The following CMKLR1 variants were observed in gnomAD, a reference collection of about 807,000 sequenced individuals.
The protein encoded by CMKLR1 is chemerin-like receptor 1.
A neutral mutation model predicts 8.2 loss-of-function variants in CMKLR1; 6 were observed. The observed-to-expected ratio is 0.73, with a 90% CI of 0.40 to 1.44. The LOEUF is 1.44. Among genes scored for constraint, CMKLR1 ranks in the 40% most tolerant of loss-of-function variants. The pLI is 0.02. For synonymous variants in CMKLR1, 178 were observed against 181.2 expected (o/e 0.98, Z 0.14); for missense variants, 429 against 478.0 (o/e 0.90, Z 0.96).
chr12:108,312,717 C>T lies in CMKLR1; in HGVS notation c.-74+17278G>A, dbSNP rs774623790. Among the ~76,000 whole-genome samples the T allele has an allele frequency of 9.2e-5, 14 of 152,214 alleles. 1 individual carries two copies. The highest frequency in any genetic ancestry group is 1.9e-4 in the East Asian group (1 of 5,192). ...ACTCTGGAGTCCAGGTCTTCAGTGA[C>T]GGTCACTGTCCTTTATGTTCTGTGG... On this transcript the variant is annotated intron_variant, in intron 2 of 3. Transcript: ENST00000550402.
intron 2 of CMKLR1, among the ~76,000 whole-genome samples, chr12:108,305,797 CG>C (rs1891392170): frequency 4.6e-5 from 7 of 152,206 alleles, no homozygotes; most frequent in Admixed American, 4.6e-4. Context: ...CAGAGCGGCA[CG>C]GGCTGCCTAA....
intron 2 of CMKLR1, among the ~76,000 whole-genome samples, chr12:108,295,524 C>T (rs576597066): frequency 2.0e-5 from 3 of 152,354 alleles, no homozygotes; most frequent in South Asian, 2.1e-4. Flanking sequence ...GACAAAGAGA[C>T]AGTGTTGAGG....
intron 2 of CMKLR1, among the ~76,000 whole-genome samples, chr12:108,316,789 G>T (rs370818412): frequency 5.9e-5 from 9 of 152,180 alleles, no homozygotes; most frequent in African/African-American, 2.2e-4. Context: ...CAACCCCATA[G>T]CAGAAATGGG....
chr12:108,317,246 C>T (rs1024415454), intron 2 of CMKLR1, among the ~76,000 whole-genome samples: 5 of 152,202 alleles, frequency 3.3e-5, no homozygotes, highest in East Asian at 1.9e-4. Flanking sequence ...CTTCATTGAG[C>T]ATGGGTTTCA....
chr12:108,295,742 G>T (rs1043339306), intron 2 of CMKLR1, among the ~76,000 whole-genome samples: 2 of 152,248 alleles, frequency 1.3e-5, no homozygotes, highest in African/African-American at 2.4e-5. Context: ...AGTGGGCTGG[G>T]TGTGTGAGTC....
At chr12:108,308,591 G>T (rs1891470339) in intron 2 of CMKLR1, among the ~76,000 whole-genome samples, 1 of 152,172 alleles carries the variant, frequency 6.6e-6, no homozygotes, top group Non-Finnish European at 1.5e-5. Context: ...TGGGTCCAGG[G>T]AGCTGGGAAT....
intron 2 of CMKLR1, among the ~76,000 whole-genome samples, chr12:108,318,125 G>T (rs1891777104): frequency 6.6e-6 from 1 of 152,172 alleles, no homozygotes; most frequent in South Asian, 2.1e-4. Flanking sequence ...TAGTCCCAGG[G>T]ATGGGCACTT....
rs527853930 is a variant in CMKLR1, at chr12:108,291,632, G to T, written c.*209C>A. The stretch of plus-strand genomic sequence containing the variant: ...GCCTCCCAAGAAGCATAAATTGCTA[G>T]TCCAAGGCTGTATGGAACACAGCAT... On this transcript the variant is annotated 3_prime_UTR_variant, in exon 4 of 4. Coordinates refer to ENST00000550402, the MANE Select transcript of CMKLR1 (RefSeq NM_001142343.2). The T allele has an allele frequency of 5.2e-6, 3 of 579,384 alleles. No homozygotes were observed. In the East Asian group the frequency reaches 8.7e-5, roughly 17 times the overall value. The allele number at this position is 579,384 out of a possible 1,614,324, so 35.9% of individuals were successfully genotyped here.
chr12:108,319,385 A>G (rs1235740340), intron 2 of CMKLR1, among the ~76,000 whole-genome samples: 1 of 152,182 alleles, frequency 6.6e-6, no homozygotes, highest in Non-Finnish European at 1.5e-5. Context: ...TAGAAAATGG[A>G]GGAGCTAGGA....
At chr12:108,333,820 G>A (rs560500786) in intron 1 of CMKLR1, among the ~76,000 whole-genome samples, 12 of 152,246 alleles carry the variant, frequency 7.9e-5, no homozygotes, top group Non-Finnish European at 1.5e-4. Context: ...ATCTGACAGT[G>A]CAAGGATTTC....
chr12:108,328,151 T>TC (rs912783136), intron 2 of CMKLR1, among the ~76,000 whole-genome samples: 8 of 152,090 alleles, frequency 5.3e-5, no homozygotes, highest in African/African-American at 1.9e-4. Context: ...AGGGCCAGCT[T>TC]CCCCCGGGAG....
intron 1 of CMKLR1, among the ~76,000 whole-genome samples, chr12:108,337,271 T>C (rs189090064): frequency 6.6e-6 from 1 of 152,290 alleles, no homozygotes; most frequent in East Asian, 1.9e-4. Flanking sequence ...GAGGATTTGA[T>C]AAAATCATCT....
chr12:108,314,159 C>G (rs1464386981), intron 2 of CMKLR1, among the ~76,000 whole-genome samples: 1 of 152,082 alleles, frequency 6.6e-6, no homozygotes, highest in Non-Finnish European at 1.5e-5. Flanking sequence ...CTCACTTATA[C>G]AGGGAACATA....
intron 2 of CMKLR1, among the ~76,000 whole-genome samples, chr12:108,309,780 G>A (rs79141045): frequency 1.3e-5 from 2 of 152,164 alleles, no homozygotes; most frequent in East Asian, 3.8e-4. Context: ...TGTTCCCTGG[G>A]GTAATAAGCC....
intron 2 of CMKLR1, among the ~76,000 whole-genome samples, chr12:108,310,951 C>T (rs946612371): frequency 4.7e-5 from 7 of 149,190 alleles, no homozygotes; most frequent in Non-Finnish European, 1.0e-4. Flanking sequence ...CGAAGACCGC[C>T]CCCCCACCCC....
chr12:108,332,639 C>T (rs1464559673), intron 1 of CMKLR1, among the ~76,000 whole-genome samples: 1 of 152,182 alleles, frequency 6.6e-6, no homozygotes, highest in African/African-American at 2.4e-5. Flanking sequence ...TGCCCTCGAA[C>T]ATCGGATTCC....
intron 2 of CMKLR1, among the ~76,000 whole-genome samples, chr12:108,325,215 A>G (rs1172412750): frequency 1.3e-5 from 2 of 152,174 alleles, no homozygotes; most frequent in Non-Finnish European, 2.9e-5. Flanking sequence ...GAAGACACCC[A>G]GACAAGCCTC....
chr12:108,289,901 C>T lies in CMKLR1; in HGVS notation c.*1940G>A, dbSNP rs1008746392. 1.3e-5 allele frequency: 2 copies of T among 152,298 alleles called. No individual in the cohort carries two copies. The highest frequency in any genetic ancestry group is 1.3e-4 in the Admixed American group (2 of 15,292). The allele number at this position is 152,298 out of a possible 1,614,324, so 9.4% of individuals were successfully genotyped here. A position where few individuals can be genotyped will look rare whatever the true frequency, so the allele number is the denominator to read the frequency against. On this transcript the variant is annotated 3_prime_UTR_variant, in exon 4 of 4. Coordinates refer to ENST00000550402, the MANE Select transcript of CMKLR1 (RefSeq NM_001142343.2). The stretch of plus-strand genomic sequence containing the variant: ...GCCCAGCGCGGGGTAGACATTGCAT[C>T]TGTTCATTGCATCTTGTTGGAGAAT...
rs1355720944 is a variant in CMKLR1 at position 108,289,420 on chromosome 12, G to A, written c.*2421C>T. ...TTGACAGGAACCTAAGTCAGAACAG[G>A]AAGACCCACAGAGCAGCCAGAAAGA... On this transcript the variant is annotated 3_prime_UTR_variant, in exon 4 of 4. Transcript: ENST00000550402. 1 of 152,302 alleles carries A rather than the reference G, an allele frequency of 6.6e-6. No homozygotes were observed. The highest frequency in any genetic ancestry group is 1.9e-4 in the East Asian group (1 of 5,198). The allele number at this position is 152,302 out of a possible 1,614,324, so 9.4% of individuals were successfully genotyped here. A position where few individuals can be genotyped will look rare whatever the true frequency, so the allele number is the denominator to read the frequency against.
Sources: allele counts gnomAD v4.1 joint callset (sites outside exome capture counted in the v4.1 genomes callset), GRCh38; gene constraint gnomAD v4.1.1; transcripts MANE v1.5; gene names NCBI Gene and HGNC (gene_info 2026-07-23, HGNC 2026-07-21).